The following CTC1 variants were observed in gnomAD, a reference collection of about 807,000 sequenced individuals.
CTC1 encodes the protein CST telomere replication complex component 1.
A neutral mutation model predicts 136.3 loss-of-function variants in CTC1; 91 were observed. The observed-to-expected ratio is 0.67, with a 90% confidence interval of 0.56 to 0.79. The LOEUF is 0.79. Ranked by LOEUF, CTC1 falls within the 30% of genes least tolerant of loss-of-function variation. The pLI is 0.00. For synonymous variants in CTC1, 606 were observed against 613.8 expected (o/e 0.99, Z 0.19); for missense variants, 1,432 against 1,498.1 (o/e 0.96, Z 0.73).
At chr17:8,233,067 T>C in intron 10 of CTC1, 35 bp from the exon 11 acceptor site, 1 of 1,611,044 alleles carries the variant, frequency 6.2e-7, no homozygotes. Flanking sequence ...ATCAAATGTT[T>C]ATTCAGCAAA....
chr17:8,226,009 G>C lies in CTC1; in HGVS notation c.*2171C>G, dbSNP rs1041209885. ...GACCCAGTCCACCTGCACCAGTGGG[G>C]TGTGGCATCAGTTAAGCAAAGGACC... On this transcript the variant is annotated 3_prime_UTR_variant, in exon 23 of 23. Transcript: ENST00000651323. 15 of 152,054 alleles carry C rather than the reference G, an allele frequency of 9.9e-5. No homozygotes were observed. The highest frequency in any genetic ancestry group is 3.1e-4 in the African/African-American group (13 of 41,398). 9.4% of individuals were successfully genotyped at this position (152,054 alleles called of 1,614,324 possible).
intron 2 of CTC1, among the ~76,000 whole-genome samples, chr17:8,241,693 T>C (rs949850759): frequency 1.3e-5 from 2 of 151,580 alleles, no homozygotes; most frequent in Non-Finnish European, 2.9e-5. Flanking sequence ...GAGGACTGCT[T>C]GAGCCTGAGG....
At chr17:8,239,945 G>A (rs141672412) in intron 2 of CTC1, among the ~76,000 whole-genome samples, 3 of 152,208 alleles carry the variant, frequency 2.0e-5, no homozygotes, top group South Asian at 4.1e-4. Context: ...TGCCATGCAC[G>A]CTATACTATA....
At position 8,230,478 on chromosome 17, in the gene CTC1, G is replaced by T. The variant is rs766460177; in HGVS notation, c.2759-10C>A. On this transcript the variant is annotated splice_polypyrimidine_tract_variant and intron_variant, in intron 16 of 22. Coordinates refer to ENST00000651323, the MANE Select transcript of CTC1 (RefSeq NM_025099.6). ...ATGGCCCCCGTGTTCCCTATAGAAG[G>T]AAGGTGGGTGTTAGTAGGATCTGTG... is the stretch of plus-strand genomic sequence containing the variant. 1.9e-6 allele frequency: 3 copies of T among 1,613,794 alleles called. No homozygotes were observed. Among genetic ancestry groups the T allele is most frequent in the Admixed American group, 1.7e-5 (1 of 60,006 alleles).
chr17:8,243,224 G>C, intron 1 of CTC1, 76 bp from the exon 2 acceptor site: 1 of 1,423,370 alleles, frequency 7.0e-7, no homozygotes, highest in Non-Finnish European at 9.5e-7. Flanking sequence ...TAAAGGACTA[G>C]AAAAAAATAT....
chr17:8,229,520 G>A, intron 18 of CTC1, 74 bp from the exon 19 acceptor site: 2 of 1,378,844 alleles, frequency 1.5e-6, no homozygotes, highest in South Asian at 1.3e-5. Flanking sequence ...AAGCAGGGTG[G>A]GTCTAGAAGG....
chr17:8,246,946 G>C (rs1281401395), intron 1 of CTC1, among the ~76,000 whole-genome samples: 1 of 149,912 alleles, frequency 6.7e-6, no homozygotes, highest in Non-Finnish European at 1.5e-5. Context: ...CAATCCTTTA[G>C]ATTGTATTTT....
chr17:8,231,640 G>C (rs1210106642), intron 14 of CTC1, 86 bp downstream of exon 14: 3 of 1,347,224 alleles, frequency 2.2e-6, no homozygotes, highest in African/African-American at 1.4e-5. Context: ...GAGGCCTAGA[G>C]AATGACCAGG....
In CTC1 at chr17:8,239,523, A is replaced by AT. The variant is rs74266356; in HGVS notation, c.198-895dup. On this transcript the variant is annotated intron_variant, in intron 2 of 22. Transcript: ENST00000651323. ...ATTATTCTCGCTTGCATTCCCCTGA[A>AT]TTTTTTTTTTTTTTTTTTAGACAGA... Among the ~76,000 whole-genome samples, 876 of 140,754 alleles carry AT rather than the reference A, an allele frequency of 6.2e-3. 2 individuals carry two copies. The highest frequency in any genetic ancestry group is 0.011 in the East Asian group (55 of 4,892). The allele number at this position is 140,754 out of a possible 152,430, so 92.3% of individuals were successfully genotyped here. A position where few individuals can be genotyped will look rare whatever the true frequency, so the allele number is the denominator to read the frequency against.
rs745997395 is a variant in CTC1, at chr17:8,229,887, T to G, written c.3011+4A>C. The G allele has an allele frequency of 3.1e-6, 5 of 1,613,130 alleles. No homozygotes were observed. The South Asian group carries it at 3.3e-5, about 11-fold the overall frequency. On this transcript the variant is annotated splice_donor_region_variant and intron_variant, in intron 18 of 22. Transcript: ENST00000651323. ...AGTTTAGGGGTTGGGGTCTGGGCAC[T>G]GACCTGATGGTGGTCTCAGGGGGAA...
At position 8,235,192 on chromosome 17, in the gene CTC1, A is replaced by G. The variant is rs761520320; in HGVS notation, c.1300T>C (p.Phe434Leu). 3.1e-6 allele frequency: 5 copies of G among 1,614,172 alleles called. No individual in the cohort carries two copies. Among genetic ancestry groups the G allele is most frequent in the Non-Finnish European group, 3.4e-6 (4 of 1,180,040 alleles). The change falls in exon 8 of 23, where the codon TTC becomes CTC. Residue 434 changes from phenylalanine (F) to leucine (L), a missense_variant. Transcript: ENST00000651323. The part of the protein sequence containing the change: ...CLRGAVLLQS[F>L]SRQKPGAHSS... The stretch of plus-strand genomic sequence containing the variant: ...TGAGCCCCAGGCTTCTGACGAGAGA[A>G]GCTTTGAAGCAGAACGGCGCCACGG...
chr17:8,234,030 G>A (rs956774920), intron 10 of CTC1, among the ~76,000 whole-genome samples: 2 of 152,166 alleles, frequency 1.3e-5, no homozygotes, highest in Non-Finnish European at 2.9e-5. Flanking sequence ...TGTTGCCCCG[G>A]CTGGAGTGCA....
chr17:8,234,419 G>A lies in CTC1; in HGVS notation c.1818+36C>T, dbSNP rs4792621. The A allele has an allele frequency of 0.85, 1,302,308 of 1,539,168 alleles. 552,320 individuals are homozygous for A. The highest frequency in any genetic ancestry group is 0.86 in the Non-Finnish European group (973,245 of 1,136,018). The stretch of plus-strand genomic sequence containing the variant: ...GTCGTGGCAATAAGGATGACAAAAA[G>A]GGAAATCACCTGAGCCCTGCTAGGG... On this transcript the variant is annotated intron_variant, in intron 10 of 22. Transcript: ENST00000651323.
intron 5 of CTC1, among the ~76,000 whole-genome samples, 189 bp downstream of exon 5, chr17:8,237,186 G>A (rs919424272): frequency 4.0e-5 from 6 of 151,896 alleles, no homozygotes; most frequent in Non-Finnish European, 8.8e-5. Flanking sequence ...GTTGCACAGC[G>A]GGAAAGTCTA....
chr17:8,232,981 G>C lies in CTC1; in HGVS notation c.1870C>G (p.Arg624Gly). 1 of 1,614,112 alleles carries C rather than the reference G, an allele frequency of 6.2e-7. No homozygotes were observed. The change falls in exon 11 of 23, where the codon CGG (arginine) becomes GGG (glycine). Residue 624 changes from arginine to glycine, a missense_variant. Physicochemically the swap from Arg to Gly is moderately radical, Grantham distance 125. Coordinates refer to ENST00000651323, the MANE Select transcript of CTC1 (RefSeq NM_025099.6). The part of the protein sequence containing the change: ...ASSHKGCLQL[R>G]DQSGSLPCLL... ...CAGGGCAGGGAACCACTTTGGTCCC[G>C]AAGTTGCAGACAACCTTTATGAGAT...
At chr17:8,233,147 G>GT in intron 10 of CTC1, 115 bp from the exon 11 acceptor site, 1 of 1,195,950 alleles carries the variant, frequency 8.4e-7, no homozygotes, top group South Asian at 1.5e-5. Context: ...AAAAAGACAC[G>GT]TCTCTGGCTT....
chr17:8,235,799 C>G (rs773680772), intron 7 of CTC1, 32 bp downstream of exon 7: 2 of 1,562,524 alleles, frequency 1.3e-6, no homozygotes, highest in South Asian at 2.3e-5. Context: ...CTGCAGAGGT[C>G]TCTTTTTGTT....
At position 8,234,807 on chromosome 17, in the gene CTC1, G is replaced by A; in HGVS notation, c.1559C>T (p.Pro520Leu). 6.2e-7 allele frequency: 1 copy of A among 1,612,792 alleles called. No individual in the cohort carries two copies. The highest frequency in any genetic ancestry group is 8.5e-7 in the Non-Finnish European group (1 of 1,179,362). ...TLDLLAPPGS[P>L]VRNAHNEILE... Reference sequence around the variant, plus strand: ...GATCTCATTGTGTGCATTCCGAACAGGGCTGCCTGGCGGAGCTAGAAGATC... The same window carrying A: ...GATCTCATTGTGTGCATTCCGAACAAGGCTGCCTGGCGGAGCTAGAAGATC... Residue 520 changes from proline to leucine, a missense_variant, in exon 9 of 23, where the codon CCT (proline) becomes CTT (leucine). Pro to Leu is a moderately conservative substitution (Grantham distance 98). Coordinates refer to ENST00000651323, the MANE Select transcript of CTC1 (RefSeq NM_025099.6).
intron 7 of CTC1, 118 bp downstream of exon 7, chr17:8,235,712 CT>C: frequency 6.0e-6 from 7 of 1,170,562 alleles, no homozygotes; most frequent in Non-Finnish European, 8.3e-6. Flanking sequence ...AAAGTGCCCC[CT>C]AACACACACT....
Sources: gnomAD v4.1 joint callset for allele counts (sites outside exome capture counted in the v4.1 genomes callset) on GRCh38, gnomAD v4.1.1 for gene constraint, MANE v1.5 for transcripts, NCBI Gene and HGNC (gene_info 2026-07-23, HGNC 2026-07-21) for gene names.